The following SMARCA2 variants were observed in gnomAD, a reference collection of about 807,000 sequenced individuals.
SMARCA2 encodes SWI/SNF-related matrix-associated actin-dependent regulator of chromatin subfamily A member 2.
A neutral mutation model predicts 199.8 loss-of-function variants in SMARCA2; 61 were observed. The observed-to-expected ratio is 0.31, with a 90% CI of 0.25 to 0.38. SMARCA2 has a LOEUF of 0.38. SMARCA2 is among the 10% of genes least tolerant of loss of function. The pLI is 1.00. For synonymous variants in SMARCA2, 935 were observed against 732.0 expected (o/e 1.28, Z -4.48); for missense variants, 1,344 against 2,012.2 (o/e 0.67, Z 6.35).
intron 27 of SMARCA2, among the ~76,000 whole-genome samples, chr9:2,133,103 C>T (rs775746665): frequency 6.6e-6 from 1 of 152,108 alleles, no homozygotes; most frequent in South Asian, 2.1e-4. Flanking sequence ...ATCAAACTCA[C>T]TCATCGAAAG....
At chr9:2,069,492 G>A (rs1820997317) in intron 9 of SMARCA2, among the ~76,000 whole-genome samples, 1 of 151,342 alleles carries the variant, frequency 6.6e-6, no homozygotes, top group Admixed American at 6.6e-5. Context: ...ACGGGAGGCG[G>A]AGCTTGCAGT....
At chr9:2,189,632 CTCT>C (rs1469044652) in intron 32 of SMARCA2, among the ~76,000 whole-genome samples, 6 of 152,028 alleles carry the variant, frequency 3.9e-5, no homozygotes, top group Admixed American at 2.6e-4. Context: ...CATCTCCAGT[CTCT>C]TCTTCTTCTC....
intron 28 of SMARCA2, among the ~76,000 whole-genome samples, chr9:2,163,430 C>T (rs79008815): frequency 0.02 from 3,076 of 152,280 alleles, 114 homozygotes; most frequent in African/African-American, 0.071. Context: ...ATGCTTTGTC[C>T]AGAGTGAACA....
intron 3 of SMARCA2, among the ~76,000 whole-genome samples, chr9:2,033,705 T>C (rs1019197096): frequency 6.6e-6 from 1 of 152,256 alleles, no homozygotes; most frequent in Admixed American, 6.5e-5. Context: ...AGCAGGGCCA[T>C]GCTCTCTCTG....
At chr9:2,192,548 C>T in intron 33 of SMARCA2, 156 bp from the exon 34 acceptor site, 1 of 693,210 alleles carries the variant, frequency 1.4e-6, no homozygotes, top group Non-Finnish European at 2.6e-6. Context: ...CTGTCGATGC[C>T]TCTTTAATGT....
At chr9:2,143,248 C>T (rs1824551909) in intron 27 of SMARCA2, among the ~76,000 whole-genome samples, 1 of 152,124 alleles carries the variant, frequency 6.6e-6, no homozygotes, top group African/African-American at 2.4e-5. Context: ...ATACGTGACC[C>T]CTGCTTACTG....
At chr9:2,143,478 A>G (rs1386152339) in intron 27 of SMARCA2, among the ~76,000 whole-genome samples, 1 of 152,228 alleles carries the variant, frequency 6.6e-6, no homozygotes, top group Non-Finnish European at 1.5e-5. Flanking sequence ...AAAAAGATTA[A>G]TTGAAGAGGT....
At chr9:2,159,990 A>G in intron 27 of SMARCA2, 3 of 1,538,720 alleles carry the variant, frequency 1.9e-6, no homozygotes, top group Non-Finnish European at 2.6e-6. Context: ...ACACATCAAA[A>G]GCCGGTGTTC....
intron 3 of SMARCA2, among the ~76,000 whole-genome samples, chr9:2,033,855 C>G (rs575497444): frequency 1.8e-4 from 27 of 152,312 alleles, no homozygotes; most frequent in African/African-American, 6.5e-4. Context: ...GTGTGTCTGT[C>G]TGTGTCCAGA....
At chr9:2,144,159 C>T (rs1202895780) in intron 27 of SMARCA2, among the ~76,000 whole-genome samples, 1 of 152,060 alleles carries the variant, frequency 6.6e-6, no homozygotes, top group Non-Finnish European at 1.5e-5. Flanking sequence ...TGATTTTTTT[C>T]TTGAAATTTG....
Position 2,161,820 on chromosome 9 carries a change from C to T in SMARCA2, c.4116C>T (p.Pro1372=), listed in dbSNP as rs961223402. The T allele has an allele frequency of 1.8e-5, 29 of 1,613,922 alleles. No homozygotes were observed. The highest frequency in any genetic ancestry group is 1.6e-4 in the Middle Eastern group (1 of 6,082). ...CTAAGAAGAGAAGAGGCCGCCCTCC[C>T]GCTGAGAAACTGTCACCAAATCCCC... The part of the protein sequence containing the change: ...EKAKKRRGRP[P]AEKLSPNPPK... The change falls in exon 28 of 34, where the codon CCC becomes CCT. Residue 1372 remains proline (P), a synonymous_variant. Transcript: ENST00000349721. This position sits in a 1 kb window ranked among gnomAD's most constrained non-coding sequence, Gnocchi z 4.7.
In SMARCA2 at chr9:2,086,852, G is replaced by T. The variant is rs367639859; in HGVS notation, c.2550G>T (p.Val850=). 105 of 1,613,910 alleles carry T rather than the reference G, an allele frequency of 6.5e-5. No individual in the cohort carries two copies. Among genetic ancestry groups the T allele is most frequent in the Non-Finnish European group, 8.7e-5 (103 of 1,179,968 alleles). The change falls in exon 18 of 34, where the codon GTG becomes GTT. Residue 850 remains valine (V), a synonymous_variant. Coordinates refer to ENST00000349721, the MANE Select transcript of SMARCA2 (RefSeq NM_003070.5). This position sits in a 1 kb window ranked among gnomAD's most constrained non-coding sequence, Gnocchi z 4.3. ...AGATTCGGTGGAAATACATGATAGT[G>T]GACGAAGGCCACCGAATGAAGAATC... is the stretch of plus-strand genomic sequence containing the variant. ...LAKIRWKYMI[V]DEGHRMKNHH...
chr9:2,135,434 C>T (rs1291243894), intron 27 of SMARCA2, among the ~76,000 whole-genome samples: 1 of 152,194 alleles, frequency 6.6e-6, no homozygotes, highest in African/African-American at 2.4e-5. Context: ...GTCAAGTTGA[C>T]ACCCAAAATT....
rs10964466 is a variant in SMARCA2, at chr9:2,028,942, A to G, written c.-36-45A>G. On this transcript the variant is annotated intron_variant, in intron 1 of 33. Coordinates refer to ENST00000349721, the MANE Select transcript of SMARCA2 (RefSeq NM_003070.5). ...ACAATTGTTTTATTCTGGTCTTAAC[A>G]TCATGTTTAAAACATGCCTTCCTTT... 0.11 allele frequency: 161,068 copies of G among 1,438,398 alleles called. 10,038 individuals are homozygous for G. Among genetic ancestry groups the G allele is most frequent in the East Asian group, 0.26 (10,599 of 40,440 alleles). 89.1% of individuals were successfully genotyped at this position (1,438,398 alleles called of 1,614,324 possible). A position where few individuals can be genotyped will look rare whatever the true frequency, so the allele number is the denominator to read the frequency against.
In SMARCA2 at chr9:2,144,071, G is replaced by T. The variant is rs546259328; in HGVS notation, c.3982-17615G>T. On this transcript the variant is annotated intron_variant, in intron 27 of 33. Coordinates refer to ENST00000349721, the MANE Select transcript of SMARCA2 (RefSeq NM_003070.5). Reference sequence around the variant, plus strand: ...CCTTTTCATAGGGGAGCCGGGAGATGGGGGGGGATGTAGGCATTTCTTTTG... The same window carrying T: ...CCTTTTCATAGGGGAGCCGGGAGATTGGGGGGGATGTAGGCATTTCTTTTG... 1.7e-4 allele frequency among the ~76,000 whole-genome samples: 25 copies of T among 149,380 alleles called. 1 individual carries two copies. The highest frequency in any genetic ancestry group is 1.3e-3 in the Admixed American group (19 of 15,158).
At chr9:2,191,121 A>C (rs2130001668) in intron 32 of SMARCA2, 145 bp from the exon 33 acceptor site, 2 of 763,858 alleles carry the variant, frequency 2.6e-6, no homozygotes, top group East Asian at 5.1e-5. Context: ...ACTAGACAGA[A>C]CCACACAGAA....
In SMARCA2 at chr9:2,176,132, C is replaced by T. The variant is rs548545346; in HGVS notation, c.4254-5439C>T. Among the ~76,000 whole-genome samples the T allele has an allele frequency of 9.4e-5, 14 of 149,540 alleles. No homozygotes were observed. In the South Asian group the frequency reaches 1.7e-3, roughly 18 times the overall value. On this transcript the variant is annotated intron_variant, in intron 29 of 33. Transcript: ENST00000349721. ...CTGACCTCAGGTGATCCACCTGCCT[C>T]GGCCTCCCAAAGTGCTGGGATTACA...
At chr9:2,047,194 C>T (rs1038741392) in intron 4 of SMARCA2, 35 bp from the exon 5 acceptor site, 9 of 1,014,150 alleles carry the variant, frequency 8.9e-6, no homozygotes, top group African/African-American at 7.0e-5. Flanking sequence ...GGGCGCCGTC[C>T]CGCCCGAGCT....
intron 10 of SMARCA2, chr9:2,072,994 T>C: frequency 3.8e-6 from 2 of 525,446 alleles, no homozygotes; most frequent in Non-Finnish European, 6.7e-6. Flanking sequence ...GGAGCTGAGG[T>C]TTGTGCCTGT....
Sources: gnomAD v4.1 joint callset for allele counts (sites outside exome capture counted in the v4.1 genomes callset) on GRCh38, gnomAD v4.1.1 for gene constraint, Gnocchi (gnomAD v3.1) non-coding constraint, MANE v1.5 for transcripts, NCBI Gene and HGNC (gene_info 2026-07-23, HGNC 2026-07-21) for gene names.